Variants in SLC5A4 observed in about 807,000 individuals in gnomAD.
SLC5A4 encodes probable glucose sensor protein SLC5A4.
A neutral mutation model predicts 70.3 loss-of-function variants in SLC5A4; 55 were observed. The ratio of observed to expected loss-of-function variants is 0.78; its 90% CI spans 0.63 to 0.98. The LOEUF (loss-of-function observed/expected upper bound fraction) is 0.98, where lower values mean the gene tolerates loss of function less well. Among genes scored for constraint, SLC5A4 ranks in the 50% least tolerant of loss-of-function variants. The pLI is 0.00. For missense variants in SLC5A4, 735 were observed against 839.2 expected, an observed-to-expected ratio of 0.88 and a Z score of 1.53; for synonymous variants, 268 against 305.7, an observed-to-expected ratio of 0.88 and a Z score of 1.29.
chr22:32,285,343 G>A, the SLC5A4 span, among the ~76,000 whole-genome samples: 1 of 152,126 alleles, frequency 6.6e-6, no homozygotes, highest in Admixed American at 6.5e-5. Context: ...TTCAACAGAA[G>A]GTATAGTTCT....
the SLC5A4 span, among the ~76,000 whole-genome samples, chr22:32,262,293 T>C: frequency 0.019 from 2,964 of 152,254 alleles, 107 homozygotes; most frequent in African/African-American, 0.068. Flanking sequence ...CCATCAATAG[T>C]GTGTGAGGGC....
chr22:32,290,017 A>C, the SLC5A4 span, among the ~76,000 whole-genome samples: 1 of 152,148 alleles, frequency 6.6e-6, no homozygotes, highest in Admixed American at 6.5e-5. Flanking sequence ...AGAAGAGCTT[A>C]TGATTGGCAT....
chr22:32,323,108 C>G, the SLC5A4 span, among the ~76,000 whole-genome samples: 15 of 152,182 alleles, frequency 9.9e-5, no homozygotes, highest in African/African-American at 3.4e-4. Flanking sequence ...TTGAACCAAA[C>G]CAGGCACCCT....
the SLC5A4 span, among the ~76,000 whole-genome samples, chr22:32,311,551 T>C: frequency 6.6e-6 from 1 of 152,098 alleles, no homozygotes; most frequent in East Asian, 1.9e-4. Flanking sequence ...GCATCTAGGC[T>C]TATGTGGAAG....
At chr22:32,279,887 C>T in the SLC5A4 span, among the ~76,000 whole-genome samples, 1 of 142,126 alleles carries the variant, frequency 7.0e-6, no homozygotes, top group Non-Finnish European at 1.5e-5. Context: ...GACCTAGAGT[C>T]GGTGGGGGTG....
the SLC5A4 span, among the ~76,000 whole-genome samples, chr22:32,312,302 G>T: frequency 6.6e-6 from 1 of 151,768 alleles, no homozygotes; most frequent in East Asian, 1.9e-4. Context: ...GAGAACTTGA[G>T]GGGGGAAGCC....
intron 5 of SLC5A4, among the ~76,000 whole-genome samples, chr22:32,240,364 T>C (rs960968876): frequency 6.6e-6 from 1 of 152,190 alleles, no homozygotes; most frequent in African/African-American, 2.4e-5. Flanking sequence ...CATTTTCTTA[T>C]CTACACTGTT....
chr22:32,306,530 C>CGTT, the SLC5A4 span, among the ~76,000 whole-genome samples: 95,630 of 151,486 alleles, frequency 0.63, 30,288 homozygotes, highest in East Asian at 0.7. Context: ...GTGAAAAACT[C>CGTT]ATTATTGTTA....
chr22:32,323,350 T>C, the SLC5A4 span, among the ~76,000 whole-genome samples: 21,626 of 152,254 alleles, frequency 0.14, 1,697 homozygotes, highest in Non-Finnish European at 0.18. Context: ...AGCCTGTATG[T>C]TCCCCCTTAA....
the SLC5A4 span, among the ~76,000 whole-genome samples, chr22:32,328,435 G>C: frequency 9.2e-5 from 14 of 152,264 alleles, no homozygotes; most frequent in South Asian, 2.3e-3. Flanking sequence ...GGTTCCACTG[G>C]GCTTTGCACC....
the SLC5A4 span, among the ~76,000 whole-genome samples, chr22:32,331,121 G>A: frequency 6.5e-5 from 7 of 107,118 alleles, no homozygotes; most frequent in South Asian, 2.8e-4. Context: ...GTGTGTGTTC[G>A]AGGCTCTGGT....
chr22:32,320,444 T>C, the SLC5A4 span, among the ~76,000 whole-genome samples: 2 of 152,182 alleles, frequency 1.3e-5, no homozygotes, highest in African/African-American at 4.8e-5. Context: ...AGCAGAAGAT[T>C]AGGATCAGTG....
chr22:32,237,406 C>A, intron 6 of SLC5A4, 82 bp from the exon 7 acceptor site: 1 of 908,016 alleles, frequency 1.1e-6, no homozygotes, highest in South Asian at 1.7e-5. Context: ...TCTCCTCCAC[C>A]CACAACCCTG....
chr22:32,303,568 A>G, the SLC5A4 span, among the ~76,000 whole-genome samples: 1 of 151,324 alleles, frequency 6.6e-6, no homozygotes, highest in African/African-American at 2.4e-5. Context: ...GACAATCACA[A>G]TTTCAGATTG....
intron 5 of SLC5A4, among the ~76,000 whole-genome samples, chr22:32,241,861 G>GTGTGTGTA (rs150299105): frequency 6.7e-6 from 1 of 148,628 alleles, no homozygotes; most frequent in Non-Finnish European, 1.5e-5. Context: ...GTGTGTGTGT[G>GTGTGTGTA]TATATATATG....
At chr22:32,302,439 T>G in the SLC5A4 span, among the ~76,000 whole-genome samples, 3 of 152,340 alleles carry the variant, frequency 2.0e-5, no homozygotes, top group South Asian at 6.2e-4. Context: ...TTTTATAGTT[T>G]TACATTTAAC....
At chr22:32,302,261 T>G in the SLC5A4 span, among the ~76,000 whole-genome samples, 639 of 149,964 alleles carry the variant, frequency 4.3e-3, 2 homozygotes, top group East Asian at 0.019. Flanking sequence ...TTTTTTTTTT[T>G]TGTGTCTAGC....
At chr22:32,350,736 G>A in the SLC5A4 span, among the ~76,000 whole-genome samples, 1 of 151,662 alleles carries the variant, frequency 6.6e-6, no homozygotes, top group Non-Finnish European at 1.5e-5. Context: ...TGGTACTTAG[G>A]CATATTTTTA....
chr22:32,257,115 T>C (rs1007083466), upstream of SLC5A4, among the ~76,000 whole-genome samples: 4 of 152,246 alleles, frequency 2.6e-5, no homozygotes, highest in Non-Finnish European at 5.9e-5. Context: ...AGGTATCAAG[T>C]GGGTATCACA....
Sources: allele counts gnomAD v4.1 joint callset (sites outside exome capture counted in the v4.1 genomes callset), GRCh38; gene constraint gnomAD v4.1.1; transcripts MANE v1.5; gene names NCBI Gene and HGNC (gene_info 2026-07-23, HGNC 2026-07-21).